Variants in METTL2B observed in about 807,000 individuals in gnomAD.
The protein encoded by METTL2B is methyltransferase 2B, tRNA N3-cytidine.
Under a neutral mutation model 51.0 loss-of-function variants are expected in METTL2B, and 28 were observed. That is an observed-to-expected ratio of 0.55 (90% CI 0.41 to 0.75). The LOEUF (loss-of-function observed/expected upper bound fraction) is 0.75. METTL2B is among the 30% of genes least tolerant of loss of function. METTL2B has a pLI of 0.00. For synonymous variants in METTL2B, 128 were observed against 166.3 expected (o/e 0.77, Z 1.77); for missense variants, 313 against 460.7 (o/e 0.68, Z 2.93).
chr7:128,485,881 T>C (rs1391370351), intron 4 of METTL2B, among the ~76,000 whole-genome samples: 1 of 152,182 alleles, frequency 6.6e-6, no homozygotes, highest in Non-Finnish European at 1.5e-5. Flanking sequence ...GCGTTATAGA[T>C]GATTTAATGT....
chr7:128,481,331 C>T (rs1195894711), intron 4 of METTL2B, among the ~76,000 whole-genome samples: 3 of 152,190 alleles, frequency 2.0e-5, no homozygotes, highest in Non-Finnish European at 2.9e-5. Flanking sequence ...GTTAAGGGTT[C>T]GGTCCCAGAA....
chr7:128,481,972 G>C (rs1240170880), intron 4 of METTL2B, among the ~76,000 whole-genome samples: 1 of 152,090 alleles, frequency 6.6e-6, no homozygotes, highest in African/African-American at 2.4e-5. Context: ...CTAGGACACA[G>C]ACTTATGGGA....
chr7:128,481,346 G>GC (rs973756975), intron 4 of METTL2B, among the ~76,000 whole-genome samples: 27 of 152,204 alleles, frequency 1.8e-4, no homozygotes, highest in African/African-American at 6.0e-4. Flanking sequence ...CCAGAAGACT[G>GC]CCCCCCACTT....
Position 128,503,824 on chromosome 7 carries a change from C to T in METTL2B, c.*1908C>T, listed in dbSNP as rs1489273637. The T allele has an allele frequency of 6.6e-6, 1 of 152,012 alleles. No individual in the cohort carries two copies. The highest frequency in any genetic ancestry group is 1.5e-5 in the Non-Finnish European group (1 of 67,998). The allele number at this position is 152,012 out of a possible 1,614,324, so 9.4% of individuals were successfully genotyped here. On this transcript the variant is annotated 3_prime_UTR_variant, in exon 9 of 9. Transcript: ENST00000262432. Reference sequence around the variant, plus strand: ...TCCAGCCCGGCTAACATAGTGAAACCCCGTCTCCACTAAAAAATAAAAAAT... The same window carrying T: ...TCCAGCCCGGCTAACATAGTGAAACTCCGTCTCCACTAAAAAATAAAAAAT...
intron 5 of METTL2B, among the ~76,000 whole-genome samples, chr7:128,490,689 T>C (rs1792812955): frequency 6.6e-6 from 1 of 152,190 alleles, no homozygotes; most frequent in Non-Finnish European, 1.5e-5. Flanking sequence ...AAGCTCACCC[T>C]GTTCAGGGGT....
intron 5 of METTL2B, among the ~76,000 whole-genome samples, chr7:128,493,440 G>T (rs367548560): frequency 3.3e-5 from 5 of 152,092 alleles, no homozygotes; most frequent in African/African-American, 1.2e-4. Flanking sequence ...TCGAACTCCT[G>T]ATCTCAGGTG....
rs1406517766 is a variant in METTL2B, at chr7:128,506,368, T to A, written c.*4452T>A. 6.6e-6 allele frequency: 1 copy of A among 152,208 alleles called. No individual in the cohort carries two copies. Among genetic ancestry groups the A allele is most frequent in the African/African-American group, 2.4e-5 (1 of 41,468 alleles). 9.4% of individuals were successfully genotyped at this position (152,208 alleles called of 1,614,324 possible). ...TATCTTTCTGGCACCTGGTTTGGGC[T>A]TTGGCTTAGATTAAAAAGACGAGCC... On this transcript the variant is annotated 3_prime_UTR_variant, in exon 9 of 9. Transcript: ENST00000262432.
At chr7:128,488,695 C>T (rs1330330620) in intron 5 of METTL2B, 2 of 327,342 alleles carry the variant, frequency 6.1e-6, no homozygotes, top group African/African-American at 2.2e-5. Flanking sequence ...CTACAGTGTC[C>T]TCTGTGTGCT....
chr7:128,489,919 C>T (rs530839704), intron 5 of METTL2B, among the ~76,000 whole-genome samples: 50 of 152,228 alleles, frequency 3.3e-4, no homozygotes, highest in African/African-American at 1.2e-3. Context: ...TGAGCCACCG[C>T]GCCCGGCCGG....
chr7:128,493,366 CCACA>C (rs1792869897), intron 5 of METTL2B, among the ~76,000 whole-genome samples: 1 of 152,138 alleles, frequency 6.6e-6, no homozygotes. Flanking sequence ...GCATGCGCCA[CCACA>C]CCCAGCTAAT....
At chr7:128,489,940 A>G (rs1792799016) in intron 5 of METTL2B, among the ~76,000 whole-genome samples, 2 of 152,150 alleles carry the variant, frequency 1.3e-5, no homozygotes, top group South Asian at 4.1e-4. Flanking sequence ...CAATTTCTTA[A>G]AATAAGGTAA....
At chr7:128,501,103 C>G (rs1235234862) in intron 8 of METTL2B, 135 bp downstream of exon 8, 2 of 1,526,118 alleles carry the variant, frequency 1.3e-6, no homozygotes, top group African/African-American at 2.8e-5. Flanking sequence ...CTGCTCACAC[C>G]CTCTTCCACC....
Position 128,501,767 on chromosome 7 carries a change from C to T in METTL2B, c.988C>T (p.Leu330=). 3 of 1,614,026 alleles carry T rather than the reference C, an allele frequency of 1.9e-6. No homozygotes were observed. Among genetic ancestry groups the T allele is most frequent in the Non-Finnish European group, 2.5e-6 (3 of 1,179,990 alleles). Residue 330 remains leucine (L), a synonymous_variant, in exon 9 of 9, where the codon CTG becomes TTG. Transcript: ENST00000262432. Reference sequence around the variant, plus strand: ...TCTTTTATTTTCCACACTAGAGGAACTGGACACGCTTTTCACCACTGCTGG... The same window carrying T: ...TCTTTTATTTTCCACACTAGAGGAATTGGACACGCTTTTCACCACTGCTGG... ...TRVYFFTQEE[L]DTLFTTAGLE...
At chr7:128,482,440 C>T (rs866733105) in intron 4 of METTL2B, among the ~76,000 whole-genome samples, 31 of 152,086 alleles carry the variant, frequency 2.0e-4, no homozygotes, top group Admixed American at 1.6e-3. Context: ...ATGTGTGAGC[C>T]GCCGCGCCCA....
rs1257523077 is a variant in METTL2B at position 128,502,531 on chromosome 7, C to G, written c.*615C>G. ...AGAATCAGATCAGATATTTTCCTGACAAGAAAAAAATGACCCTGTAGACAG... is the reference window on the plus strand; with the variant it reads ...AGAATCAGATCAGATATTTTCCTGAGAAGAAAAAAATGACCCTGTAGACAG... On this transcript the variant is annotated 3_prime_UTR_variant, in exon 9 of 9. Coordinates refer to ENST00000262432, the MANE Select transcript of METTL2B (RefSeq NM_018396.3). 1 of 390,036 alleles carries G rather than the reference C, an allele frequency of 2.6e-6. No homozygotes were observed. Among genetic ancestry groups the G allele is most frequent in the South Asian group, 1.8e-5 (1 of 54,756 alleles). 24.2% of individuals were successfully genotyped at this position (390,036 alleles called of 1,614,324 possible).
intron 8 of METTL2B, 40 bp from the exon 9 acceptor site, chr7:128,501,722 G>C: frequency 6.2e-7 from 1 of 1,607,094 alleles, no homozygotes; most frequent in Non-Finnish European, 8.5e-7. Context: ...GCCTTTTCTT[G>C]AGGGGAAAAT....
chr7:128,486,926 G>A (rs973755121), intron 4 of METTL2B, among the ~76,000 whole-genome samples: 3 of 152,290 alleles, frequency 2.0e-5, no homozygotes, highest in African/African-American at 7.2e-5. Context: ...ACCTTAATGG[G>A]TACTCGGCAG....
At chr7:128,477,629 T>C (rs1369556680) in intron 2 of METTL2B, among the ~76,000 whole-genome samples, 1 of 151,820 alleles carries the variant, frequency 6.6e-6, no homozygotes, top group Non-Finnish European at 1.5e-5. Flanking sequence ...GTGTGATGGT[T>C]ATGAGAATTT....
chr7:128,503,842 T>G lies in METTL2B; in HGVS notation c.*1926T>G, dbSNP rs1025474477. The G allele has an allele frequency of 1.3e-5, 2 of 151,858 alleles. No homozygotes were observed. The highest frequency in any genetic ancestry group is 2.9e-5 in the Non-Finnish European group (2 of 67,944). The allele number at this position is 151,858 out of a possible 1,614,324, so 9.4% of individuals were successfully genotyped here. Reference sequence around the variant, plus strand: ...GTGAAACCCCGTCTCCACTAAAAAATAAAAAATCAGCCCGGCATGGTTGTG... The same window carrying G: ...GTGAAACCCCGTCTCCACTAAAAAAGAAAAAATCAGCCCGGCATGGTTGTG... On this transcript the variant is annotated 3_prime_UTR_variant, in exon 9 of 9. Coordinates refer to ENST00000262432, the MANE Select transcript of METTL2B (RefSeq NM_018396.3).
Sources: allele counts gnomAD v4.1 joint callset (sites outside exome capture counted in the v4.1 genomes callset), GRCh38; gene constraint gnomAD v4.1.1; transcripts MANE v1.5; gene names NCBI Gene and HGNC (gene_info 2026-07-23, HGNC 2026-07-21).